The following TBRG1 variants were observed in gnomAD, a reference collection of about 807,000 sequenced individuals.
The protein encoded by TBRG1 is nuclear interactor of ARF and MDM2.
TBRG1 carries 31 observed loss-of-function variants against 44.0 expected under a neutral mutation model. The observed-to-expected ratio is 0.70, with a 90% CI of 0.53 to 0.95. The LOEUF (loss-of-function observed/expected upper bound fraction) is 0.95, where lower values mean the gene tolerates loss of function less well. Among genes scored for constraint, TBRG1 ranks in the 40% least tolerant of loss-of-function variants. The pLI, the probability that TBRG1 is intolerant of heterozygous loss-of-function variation, is 0.00. For synonymous variants in TBRG1, 171 were observed against 188.1 expected, an observed-to-expected ratio of 0.91 and a Z score of 0.74; for missense variants, 487 against 496.1, an observed-to-expected ratio of 0.98 and a Z score of 0.18.
rs1942427334 is a variant in TBRG1, at chr11:124,624,922, T to C, written c.151-9T>C. 2.6e-6 allele frequency: 4 copies of C among 1,513,162 alleles called. No individual in the cohort carries two copies. In the South Asian group the frequency reaches 4.9e-5, roughly 19 times the overall value. 93.7% of individuals were successfully genotyped at this position (1,513,162 alleles called of 1,614,324 possible). A position where few individuals can be genotyped will look rare whatever the true frequency, so the allele number is the denominator to read the frequency against. On this transcript the variant is annotated splice_polypyrimidine_tract_variant and intron_variant, in intron 1 of 8. Transcript: ENST00000441174. ...TTTTATGTTATTATATTCACATTTTTACTTAAAGGAAAATGCTGCTATTTG... is the reference window on the plus strand; with the variant it reads ...TTTTATGTTATTATATTCACATTTTCACTTAAAGGAAAATGCTGCTATTTG...
rs943443284 is a variant in TBRG1 at position 124,630,287 on chromosome 11, G to A, written c.739-101G>A. 53 of 820,086 alleles carry A rather than the reference G, an allele frequency of 6.5e-5. No homozygotes were observed. In the East Asian group the frequency reaches 1.1e-3, roughly 17 times the overall value. The allele number at this position is 820,086 out of a possible 1,614,324, so 50.8% of individuals were successfully genotyped here. A position where few individuals can be genotyped will look rare whatever the true frequency, so the allele number is the denominator to read the frequency against. On this transcript the variant is annotated intron_variant, in intron 5 of 8. Coordinates refer to ENST00000441174, the MANE Select transcript of TBRG1 (RefSeq NM_032811.3). Reference sequence around the variant, plus strand: ...TGTGTCCCTTCTGAAGATGGTATACGTCAGCTTCACGTTCCAGAGTAAAGA... The same window carrying A: ...TGTGTCCCTTCTGAAGATGGTATACATCAGCTTCACGTTCCAGAGTAAAGA...
chr11:124,623,493 C>T (rs1326897482), intron 1 of TBRG1: 2 of 543,038 alleles, frequency 3.7e-6, no homozygotes. Flanking sequence ...AAAAGACATA[C>T]CAATAAATTT....
Position 124,626,980 on chromosome 11 carries a change from C to G in TBRG1, c.668C>G (p.Ala223Gly), listed in dbSNP as rs771798733. Residue 223 changes from alanine (A) to glycine (G), a missense_variant, in exon 5 of 9, where the codon GCC becomes GGC. By Grantham distance (60) the Ala-to-Gly change is moderately conservative. Coordinates refer to ENST00000441174, the MANE Select transcript of TBRG1 (RefSeq NM_032811.3). ...PVGYCSTRIY[A>G]SMKCPDQKCL... is the part of the protein sequence containing the mutation. ...GGCTATTGCAGTACTCGAATATATG[C>G]CAGCATGAAGTGCCCAGACCAGAAG... 75 of 1,586,862 alleles carry G rather than the reference C, an allele frequency of 4.7e-5. 4 individuals are homozygous for G. In the South Asian group the frequency reaches 8.5e-4, roughly 18 times the overall value.
chr11:124,623,398 C>G (rs1048249583), intron 1 of TBRG1, 165 bp downstream of exon 1: 14 of 774,988 alleles, frequency 1.8e-5, no homozygotes, highest in South Asian at 1.3e-4. Context: ...TACGTAATTT[C>G]TCTGTGTCCT....
chr11:124,628,067 A>ATT (rs1565400381), intron 5 of TBRG1, among the ~76,000 whole-genome samples: 6 of 30,208 alleles, frequency 2.0e-4, no homozygotes, highest in South Asian at 1.4e-3. Flanking sequence ...TAGCTGTTTT[A>ATT]TATATATATA....
intron 2 of TBRG1, 87 bp downstream of exon 2, chr11:124,625,088 T>C (rs1942434393): frequency 1.1e-6 from 1 of 949,706 alleles, no homozygotes; most frequent in Middle Eastern, 2.1e-4. Context: ...TGGAGACTTT[T>C]TTTCCCAGTG....
In TBRG1 at chr11:124,626,566, T is replaced by C; in HGVS notation, c.548T>C (p.Phe183Ser). The C allele has an allele frequency of 2.6e-6, 4 of 1,551,524 alleles. No individual in the cohort carries two copies. The highest frequency in any genetic ancestry group is 1.7e-4 in the Middle Eastern group (1 of 5,986). ...IALDPSGRPVFPIGLGGLTVY... is the reference protein window; with the variant it reads ...IALDPSGRPVSPIGLGGLTVY... ...CTGGATCCCTCAGGACGGCCTGTGT[T>C]CCCCATCGGACTAGGGGGTCTAACA... is the stretch of plus-strand genomic sequence containing the variant. The change falls in exon 4 of 9, where the codon TTC becomes TCC. Residue 183 changes from phenylalanine to serine, a missense_variant. By Grantham distance (155) the Phe-to-Ser change is radical. Transcript: ENST00000441174.
At chr11:124,626,657 G>A (rs1475747346) in intron 4 of TBRG1, 48 bp downstream of exon 4, 6 of 1,546,872 alleles carry the variant, frequency 3.9e-6, no homozygotes, top group Admixed American at 3.9e-5. Flanking sequence ...GGAAATACGG[G>A]AATGGGGTTG....
In TBRG1 at chr11:124,625,700, A is replaced by G; in HGVS notation, c.251A>G (p.Gln84Arg). 6.4e-7 allele frequency: 1 copy of G among 1,552,528 alleles called. No individual in the cohort carries two copies. The highest frequency in any genetic ancestry group is 8.7e-7 in the Non-Finnish European group (1 of 1,147,402). The stretch of plus-strand genomic sequence containing the variant: ...TTGCTAAAGAAGCTCCTCCAGCTTC[A>G]GGCTCTAACTGAAGGGGAAGTACAG... ...RYLLKKLLQL[Q>R]ALTEGEVQAA... is the part of the protein sequence containing the mutation. The change falls in exon 3 of 9, where the codon CAG (glutamine) becomes CGG (arginine). Residue 84 changes from glutamine to arginine, a missense_variant. Transcript: ENST00000441174.
Position 124,625,796 on chromosome 11 carries a change from A to C in TBRG1, c.347A>C (p.Gln116Pro). The change falls in exon 3 of 9, where the codon CAG becomes CCG. Residue 116 changes from glutamine (Q) to proline (P), a missense_variant. Transcript: ENST00000441174. Reference protein sequence around the residue: ...YGVASSVGTIQGAGPISGPST... With the variant: ...YGVASSVGTIPGAGPISGPST... ...GTGGCCAGCTCTGTGGGAACTATAC[A>C]GGGAGCTGGGCCTATTTCAGGGCCC... 6.3e-7 allele frequency: 1 copy of C among 1,581,938 alleles called. No homozygotes were observed. Among genetic ancestry groups the C allele is most frequent in the Non-Finnish European group, 8.6e-7 (1 of 1,162,948 alleles).
intron 5 of TBRG1, among the ~76,000 whole-genome samples, chr11:124,628,065 T>TTATATATATATA (rs71042445): frequency 1.0e-4 from 7 of 69,840 alleles, no homozygotes; most frequent in Non-Finnish European, 1.8e-4. Context: ...AGTAGCTGTT[T>TTATATATATATA]TATATATATA....
At position 124,624,932 on chromosome 11, in the gene TBRG1, A is replaced by G; in HGVS notation, c.152A>G (p.Glu51Gly). 1 of 1,534,288 alleles carries G rather than the reference A, an allele frequency of 6.5e-7. No individual in the cohort carries two copies. Among genetic ancestry groups the G allele is most frequent in the Non-Finnish European group, 8.8e-7 (1 of 1,132,980 alleles). Residue 51 changes from glutamate (E) to glycine (G), a missense_variant and splice_region_variant, in exon 2 of 9, where the codon GAA becomes GGA. Physicochemically the swap from Glu to Gly is moderately conservative, Grantham distance 98 (BLOSUM62 -2). Transcript: ENST00000441174. ...LRKAAKATVF[E>G]NAAICDEIAR... ...TTATATTCACATTTTTACTTAAAGGAAAATGCTGCTATTTGTGATGAAATT... is the reference window on the plus strand; with the variant it reads ...TTATATTCACATTTTTACTTAAAGGGAAATGCTGCTATTTGTGATGAAATT...
At position 124,625,786 on chromosome 11, in the gene TBRG1, G is replaced by A; in HGVS notation, c.337G>A (p.Gly113Arg). ...GACTTATGGTGTGGCCAGCTCTGTG[G>A]GAACTATACAGGGAGCTGGGCCTAT... ...PLTYGVASSV[G>R]TIQGAGPISG... The change falls in exon 3 of 9, where the codon GGA (glycine) becomes AGA (arginine). Residue 113 changes from glycine (G) to arginine (R), a missense_variant. Gly to Arg is a moderately radical substitution (Grantham distance 125). Coordinates refer to ENST00000441174, the MANE Select transcript of TBRG1 (RefSeq NM_032811.3). The A allele has an allele frequency of 1.3e-6, 2 of 1,579,330 alleles. No individual in the cohort carries two copies. The highest frequency in any genetic ancestry group is 1.2e-5 in the South Asian group (1 of 86,372).
chr11:124,626,389 C>T, intron 3 of TBRG1, 84 bp from the exon 4 acceptor site: 1 of 1,241,752 alleles, frequency 8.1e-7, no homozygotes, highest in Non-Finnish European at 1.1e-6. Flanking sequence ...TGGCTTATTG[C>T]CCTCACCATT....
intron 1 of TBRG1, among the ~76,000 whole-genome samples, chr11:124,624,130 G>A (rs1204924016): frequency 1.3e-5 from 2 of 152,172 alleles, no homozygotes; most frequent in African/African-American, 2.4e-5. Context: ...AGAGAACTTA[G>A]CATCTGATTG....
intron 5 of TBRG1, 144 bp from the exon 6 acceptor site, chr11:124,630,244 G>A: frequency 7.5e-6 from 5 of 667,690 alleles, no homozygotes; most frequent in Non-Finnish European, 1.4e-5. Flanking sequence ...ATTTTTAGCA[G>A]CCCTATAGGA....
chr11:124,631,619 AC>A (rs1942612289), intron 8 of TBRG1: 1 of 614,868 alleles, frequency 1.6e-6, no homozygotes, highest in African/African-American at 1.8e-5. Flanking sequence ...CATGGGGAGC[AC>A]CTGCGATCAT....
At chr11:124,626,138 C>A (rs1942462970) in intron 3 of TBRG1, among the ~76,000 whole-genome samples, 1 of 152,220 alleles carries the variant, frequency 6.6e-6, no homozygotes, top group Non-Finnish European at 1.5e-5. Flanking sequence ...AGACTTCCCC[C>A]TTCCCCCAAC....
In TBRG1 at chr11:124,635,808, CTTTTA is replaced by C. The variant is rs1942719830; in HGVS notation, c.*3574_*3578del. The C allele has an allele frequency of 5.3e-5, 8 of 152,248 alleles. No homozygotes were observed. The South Asian group carries it at 1.7e-3, about 32-fold the overall frequency. 9.4% of individuals were successfully genotyped at this position (152,248 alleles called of 1,614,324 possible). ...TACATACACATCACTAGTGATTATG[CTTTTA>C]TTTATTTCCAACTTCTTATAGGTAA... On this transcript the variant is annotated 3_prime_UTR_variant, in exon 9 of 9. Transcript: ENST00000441174.
Sources: gnomAD v4.1 joint callset for allele counts (sites outside exome capture counted in the v4.1 genomes callset) on GRCh38, gnomAD v4.1.1 for gene constraint, MANE v1.5 for transcripts, NCBI Gene and HGNC (gene_info 2026-07-23, HGNC 2026-07-21) for gene names.